Variants in FMO1 observed in about 807,000 individuals in gnomAD.
FMO1 encodes the protein flavin-containing monooxygenase 1.
A neutral mutation model predicts 45.4 loss-of-function variants in FMO1; 36 were observed. That is an observed-to-expected ratio of 0.79 (90% CI 0.61 to 1.05). The LOEUF (loss-of-function observed/expected upper bound fraction) is 1.05. Ranked by LOEUF, FMO1 falls within the 50% of genes least tolerant of loss-of-function variation. The pLI is 0.00. For missense variants in FMO1, 615 were observed against 640.3 expected, an observed-to-expected ratio of 0.96 and a Z score of 0.43; for synonymous variants, 228 against 227.2, an observed-to-expected ratio of 1.00 and a Z score of -0.03.
rs28360432 is a variant in FMO1, at chr1:171,285,346, A to G, written c.1401A>G (p.Pro467=). 3,107 of 1,613,992 alleles carry G rather than the reference A, an allele frequency of 1.9e-3. 64 individuals carry two copies. In the African/African-American group the frequency reaches 0.038, roughly 20 times the overall value. Residue 467 remains proline, a synonymous_variant, in exon 9 of 9, where the codon CCA becomes CCG. Transcript: ENST00000617670. Reference sequence around the variant, plus strand: ...TGGCTCTGACCGTCTTCTTTGGCCCATGCTCACCATACCAGTTCCGCTTGA... The same window carrying G: ...TGGCTCTGACCGTCTTCTTTGGCCCGTGCTCACCATACCAGTTCCGCTTGA... ...PHLALTVFFG[P]CSPYQFRLTG... is the part of the protein sequence containing the mutation.
chr1:171,257,523 C>T (rs1660209574), intron 1 of FMO1, among the ~76,000 whole-genome samples: 1 of 152,074 alleles, frequency 6.6e-6, no homozygotes, highest in African/African-American at 2.4e-5. Context: ...CAGCTGGGGC[C>T]CTGGCATTGT....
At chr1:171,266,486 G>A (rs566354969) in intron 2 of FMO1, among the ~76,000 whole-genome samples, 4 of 152,288 alleles carry the variant, frequency 2.6e-5, no homozygotes, top group Non-Finnish European at 4.4e-5. Flanking sequence ...GTGGGCCACA[G>A]ACAAGCAGGT....
intron 2 of FMO1, among the ~76,000 whole-genome samples, chr1:171,260,916 A>AAG (rs1644412541): frequency 6.7e-6 from 1 of 150,050 alleles, no homozygotes; most frequent in African/African-American, 2.4e-5. Flanking sequence ...CCATCTCAAA[A>AAG]AAAAAAAAAA....
Position 171,281,981 on chromosome 1 carries a change from T to A in FMO1, c.831T>A (p.Thr277=), listed in dbSNP as rs746587905. The change falls in exon 7 of 9, where the codon ACT becomes ACA. Residue 277 remains threonine, a synonymous_variant. Transcript: ENST00000617670. ...ANYGLIPEDR[T]QLKEFVLNDE... is the part of the protein sequence containing the mutation. Reference sequence around the variant, plus strand: ...CCCTGTTCATGTTTTTGTTTAGGACTCAGCTGAAAGAGTTTGTGCTAAATG... The same window carrying A: ...CCCTGTTCATGTTTTTGTTTAGGACACAGCTGAAAGAGTTTGTGCTAAATG... 4.4e-6 allele frequency: 7 copies of A among 1,594,282 alleles called. No individual in the cohort carries two copies. Among genetic ancestry groups the A allele is most frequent in the African/African-American group, 1.3e-5 (1 of 74,434 alleles).
chr1:171,273,147 G>A (rs191121682), intron 3 of FMO1, among the ~76,000 whole-genome samples: 111 of 152,264 alleles, frequency 7.3e-4, no homozygotes, highest in Middle Eastern at 3.4e-3. Context: ...GAATTTCCCT[G>A]CACAAGCTCT....
chr1:171,285,614 T>C lies in FMO1; in HGVS notation c.*70T>C. ...TGCTCCAATTCCTCTCTTACAGCAATATTGCCTTCACAGTTATAAACTGTA... is the reference window on the plus strand; with the variant it reads ...TGCTCCAATTCCTCTCTTACAGCAACATTGCCTTCACAGTTATAAACTGTA... On this transcript the variant is annotated 3_prime_UTR_variant, in exon 9 of 9. Coordinates refer to ENST00000617670, the MANE Select transcript of FMO1 (RefSeq NM_001282693.2). 1.0e-6 allele frequency: 1 copy of C among 967,242 alleles called. No individual in the cohort carries two copies. The highest frequency in any genetic ancestry group is 1.9e-5 in the South Asian group (1 of 53,192). 59.9% of individuals were successfully genotyped at this position (967,242 alleles called of 1,614,324 possible).
chr1:171,277,222 G>A (rs912199220), intron 4 of FMO1, among the ~76,000 whole-genome samples: 2 of 152,120 alleles, frequency 1.3e-5, no homozygotes, highest in East Asian at 3.9e-4. Flanking sequence ...CACTCCTTGC[G>A]ATGGTTGTTA....
intron 2 of FMO1, among the ~76,000 whole-genome samples, chr1:171,261,612 G>C (rs145824219): frequency 2.0e-5 from 3 of 152,100 alleles, no homozygotes; most frequent in Non-Finnish European, 4.4e-5. Flanking sequence ...GGCCAGGCGC[G>C]GTGGCTCATG....
chr1:171,270,773 G>C (rs1327393191), intron 3 of FMO1: 1 of 939,954 alleles, frequency 1.1e-6, no homozygotes, highest in Non-Finnish European at 1.4e-6. Context: ...ACACCACCAG[G>C]AGAGGGCTAT....
At chr1:171,270,437 G>A in intron 3 of FMO1, 1 of 255,618 alleles carries the variant, frequency 3.9e-6, no homozygotes, top group Non-Finnish European at 6.2e-6. Context: ...ATGGGCAAAA[G>A]CAAAGACTAG....
intron 3 of FMO1, among the ~76,000 whole-genome samples, chr1:171,274,266 CTTT>C (rs763261289): frequency 7.0e-6 from 1 of 142,022 alleles, no homozygotes; most frequent in South Asian, 2.3e-4. Context: ...TAATGACAAG[CTTT>C]TTTTTTTTTG....
chr1:171,261,359 C>A (rs1660372787), intron 2 of FMO1, among the ~76,000 whole-genome samples: 1 of 143,206 alleles, frequency 7.0e-6, no homozygotes, highest in Non-Finnish European at 1.5e-5. Context: ...TTAGAGATGT[C>A]TTTGCACTCA....
chr1:171,265,092 A>G (rs780920318), intron 2 of FMO1, among the ~76,000 whole-genome samples: 3 of 152,130 alleles, frequency 2.0e-5, no homozygotes, highest in Non-Finnish European at 4.4e-5. Flanking sequence ...GTTGTCAAAT[A>G]TAATAAAAAA....
chr1:171,274,262 C>A (rs1376035097), intron 3 of FMO1, among the ~76,000 whole-genome samples: 17 of 150,000 alleles, frequency 1.1e-4, no homozygotes, highest in Non-Finnish European at 4.4e-5. Flanking sequence ...TTTTTAATGA[C>A]AAGCTTTTTT....
In FMO1 at chr1:171,262,764, C is replaced by T. The variant is rs28384869; in HGVS notation, c.132+4545C>T. ...TATCATCCTAGTGGGGTACCCCTGA[C>T]AGGCCCCTATCCTCATGGAGCTTGC... is the stretch of plus-strand genomic sequence containing the variant. On this transcript the variant is annotated intron_variant, in intron 2 of 8. Coordinates refer to ENST00000617670, the MANE Select transcript of FMO1 (RefSeq NM_001282693.2). Among the ~76,000 whole-genome samples the T allele has an allele frequency of 9.9e-3, 1,511 of 152,280 alleles. 25 individuals carry two copies. Among genetic ancestry groups the T allele is most frequent in the African/African-American group, 0.033 (1,383 of 41,542 alleles).
chr1:171,282,338 G>C lies in FMO1; in HGVS notation c.1183+5G>C, dbSNP rs1361529834. The C allele has an allele frequency of 1.3e-6, 2 of 1,586,954 alleles. No individual in the cohort carries two copies. The highest frequency in any genetic ancestry group is 2.2e-5 in the South Asian group (2 of 89,290). Reference sequence around the variant, plus strand: ...GGGCTGTTCGAGTCCTGAAAGGTAAGTATAAGAAATAGCAGGGCATGTGTT... The same window carrying C: ...GGGCTGTTCGAGTCCTGAAAGGTAACTATAAGAAATAGCAGGGCATGTGTT... On this transcript the variant is annotated splice_donor_5th_base_variant and intron_variant, in intron 7 of 8. Coordinates refer to ENST00000617670, the MANE Select transcript of FMO1 (RefSeq NM_001282693.2).
chr1:171,267,280 T>A (rs1380141921), intron 2 of FMO1, among the ~76,000 whole-genome samples: 1 of 152,218 alleles, frequency 6.6e-6, no homozygotes, highest in Non-Finnish European at 1.5e-5. Flanking sequence ...AACCTTCCTG[T>A]AAAATCCAAA....
intron 8 of FMO1, among the ~76,000 whole-genome samples, 187 bp downstream of exon 8, chr1:171,283,403 A>C (rs2101847603): frequency 6.6e-6 from 1 of 152,080 alleles, no homozygotes; most frequent in African/African-American, 2.4e-5. Flanking sequence ...AGCCTGTTTA[A>C]GAAGAGAGAA....
Position 171,263,505 on chromosome 1 carries a change from T to C in FMO1, c.133-4038T>C, listed in dbSNP as rs563849829. Among the ~76,000 whole-genome samples, 3 of 151,996 alleles carry C rather than the reference T, an allele frequency of 2.0e-5. No homozygotes were observed. In the South Asian group the frequency reaches 6.2e-4, roughly 32 times the overall value. On this transcript the variant is annotated intron_variant, in intron 2 of 8. Coordinates refer to ENST00000617670, the MANE Select transcript of FMO1 (RefSeq NM_001282693.2). The stretch of plus-strand genomic sequence containing the variant: ...AAATCCTGGGCTGCGTCTCAAAGAG[T>C]CCCAGCAAGTGTCCCAGTGGTGATG...
Sources: gnomAD v4.1 joint callset for allele counts (sites outside exome capture counted in the v4.1 genomes callset) on GRCh38, gnomAD v4.1.1 for gene constraint, MANE v1.5 for transcripts, NCBI Gene and HGNC (gene_info 2026-07-23, HGNC 2026-07-21) for gene names.